Variants in DMD observed in about 807,000 individuals in gnomAD.
The protein encoded by DMD is mutant dystrophin.
In DMD, 63 loss-of-function variants were observed where a neutral mutation model predicts 330.1. That is an observed-to-expected ratio of 0.19 (90% CI 0.16 to 0.24). The LOEUF (loss-of-function observed/expected upper bound fraction) is 0.24, where lower values mean the gene tolerates loss of function less well. DMD is among the 10% of genes least tolerant of loss of function. The pLI, the probability that DMD is intolerant of heterozygous loss-of-function variation, is 1.00. For synonymous variants in DMD, 1,223 were observed against 959.8 expected (o/e 1.27, Z -5.07); for missense variants, 3,344 against 2,684.1 (o/e 1.25, Z -5.43).
chrX:31,315,592 A>T (rs1042879216), intron 62 of DMD, among the ~76,000 whole-genome samples: 11 of 112,359 alleles, frequency 9.8e-5, no homozygotes, highest in African/African-American at 3.6e-4. Context: ...ACCAACTTGA[A>T]TATGTTCTAT....
chrX:32,467,783 T>G lies in DMD; in HGVS notation c.3162+715A>C, dbSNP rs145358488. ...CACAGTTCTGCTAACACCTTAATTT[T>G]AGCCCACAGAGATTAATTCTGAACT... is the stretch of plus-strand genomic sequence containing the variant. On this transcript the variant is annotated intron_variant, in intron 23 of 78. Transcript: ENST00000357033. Among the ~76,000 whole-genome samples the G allele has an allele frequency of 6.3e-3, 683 of 109,206 alleles. 6 individuals are homozygous for G. The highest frequency in any genetic ancestry group is 0.055 in the South Asian group (138 of 2,528). 94.8% of individuals were successfully genotyped at this position (109,206 alleles called of 115,157 possible).
At chrX:33,314,573 T>G (rs1333715715) in intron 1 of DMD, among the ~76,000 whole-genome samples, 1 of 98,411 alleles carries the variant, frequency 1.0e-5, no homozygotes, top group African/African-American at 3.8e-5. Context: ...TTTTTTTGTT[T>G]TTTTTTTTTT....
chrX:32,293,396 AAT>A, intron 42 of DMD, among the ~76,000 whole-genome samples: 1 of 111,552 alleles, frequency 9.0e-6, no homozygotes, highest in African/African-American at 3.3e-5. Flanking sequence ...CCTAAAGAAT[AAT>A]AGTCATCAGA....
intron 2 of DMD, among the ~76,000 whole-genome samples, chrX:32,954,712 G>T (rs1221849600): frequency 1.8e-5 from 2 of 109,713 alleles, no homozygotes; most frequent in Non-Finnish European, 3.8e-5. Context: ...CCTCCAACAG[G>T]TCCCAATGTA....
intron 44 of DMD, among the ~76,000 whole-genome samples, chrX:32,118,981 G>A (rs2701795): frequency 9.1e-6 from 1 of 109,686 alleles, no homozygotes; most frequent in Non-Finnish European, 1.9e-5. Flanking sequence ...TAATGCTGGC[G>A]GCCCTGCAGC....
At chrX:32,147,601 C>T (rs193254971) in intron 44 of DMD, among the ~76,000 whole-genome samples, 335 of 111,052 alleles carry the variant, frequency 3.0e-3, no homozygotes, top group Non-Finnish European at 5.0e-3. Flanking sequence ...CAGCTGTGTA[C>T]GGTACATTGT....
intron 64 of DMD, among the ~76,000 whole-genome samples, chrX:31,219,212 TGTCA>T (rs778266750): frequency 9.0e-6 from 1 of 111,114 alleles, no homozygotes; most frequent in African/African-American, 3.3e-5. Context: ...AACAGGGACT[TGTCA>T]GTATCATTTT....
At chrX:32,734,908 T>C (rs1168891696) in intron 7 of DMD, among the ~76,000 whole-genome samples, 5 of 105,154 alleles carry the variant, frequency 4.8e-5, no homozygotes, top group Admixed American at 1.0e-4. Flanking sequence ...TTGGAAGTTC[T>C]GGCCAGGGCA....
chrX:32,384,903 C>T (rs1484827914), intron 33 of DMD, among the ~76,000 whole-genome samples: 17 of 111,102 alleles, frequency 1.5e-4, no homozygotes, highest in African/African-American at 5.2e-4. Flanking sequence ...TTTGGAAATA[C>T]TAAGATATCC....
chrX:31,871,086 A>G (rs1324598055), intron 48 of DMD, among the ~76,000 whole-genome samples: 1 of 111,567 alleles, frequency 9.0e-6, no homozygotes, highest in Non-Finnish European at 1.9e-5. Context: ...CTGAAATCTG[A>G]AATCAACATA....
At chrX:32,139,418 C>T (rs2096742454) in intron 44 of DMD, among the ~76,000 whole-genome samples, 1 of 112,298 alleles carries the variant, frequency 8.9e-6, no homozygotes, top group South Asian at 3.7e-4. Context: ...TAACTCAAAA[C>T]ATACTTGCTA....
chrX:31,916,593 A>AT (rs1381667906), intron 47 of DMD, among the ~76,000 whole-genome samples: 2 of 111,852 alleles, frequency 1.8e-5, no homozygotes, highest in Middle Eastern at 4.6e-3. Context: ...AATAGCTAGT[A>AT]TTTTTTGGCC....
At chrX:31,782,344 T>C (rs6631395) in intron 50 of DMD, among the ~76,000 whole-genome samples, 14,019 of 110,563 alleles carry the variant, frequency 0.13, 715 homozygotes, top group East Asian at 0.27. Context: ...TAACAATGCT[T>C]GGGTGTTGGG....
At chrX:32,088,973 A>T (rs960136465) in intron 44 of DMD, among the ~76,000 whole-genome samples, 1 of 112,016 alleles carries the variant, frequency 8.9e-6, no homozygotes, top group African/African-American at 3.2e-5. Flanking sequence ...CCTAGGCTGA[A>T]ACATGAACTG....
rs2098332596 is a variant in DMD at position 32,452,253 on chromosome X, A to G, written c.3603+2409T>C. The stretch of plus-strand genomic sequence containing the variant: ...AGAAAGGAATTGAGATACAAGAGAA[A>G]AGGCCATATGAGTGACACACAATGG... On this transcript the variant is annotated intron_variant, in intron 26 of 78. Coordinates refer to ENST00000357033, the MANE Select transcript of DMD (RefSeq NM_004006.3). Among the ~76,000 whole-genome samples, 2 of 100,611 alleles carry G rather than the reference A, an allele frequency of 2.0e-5. 1 individual carries two copies. The highest frequency in any genetic ancestry group is 4.0e-5 in the Non-Finnish European group (2 of 49,578). The allele number at this position is 100,611 out of a possible 115,157, so 87.4% of individuals were successfully genotyped here. A position where few individuals can be genotyped will look rare whatever the true frequency, so the allele number is the denominator to read the frequency against.
chrX:32,538,636 AG>A (rs2048214055), intron 17 of DMD, among the ~76,000 whole-genome samples: 1 of 111,459 alleles, frequency 9.0e-6, no homozygotes, highest in Non-Finnish European at 1.9e-5. Flanking sequence ...ATCAGGGGTC[AG>A]ACTGTAAATG....
intron 2 of DMD, among the ~76,000 whole-genome samples, chrX:32,975,324 GC>G (rs67145670): frequency 0.46 from 43,202 of 92,922 alleles, 8,008 homozygotes; most frequent in African/African-American, 0.62. Flanking sequence ...TCCACATTTT[GC>G]TTTTTAAACT....
chrX:31,149,065 C>T (rs1315604705), intron 74 of DMD, among the ~76,000 whole-genome samples: 2 of 112,071 alleles, frequency 1.8e-5, no homozygotes, highest in African/African-American at 6.5e-5. Context: ...AAAATCTTTT[C>T]TTACACCTAC....
chrX:32,584,588 G>A (rs1418498138), intron 13 of DMD, among the ~76,000 whole-genome samples: 2 of 111,942 alleles, frequency 1.8e-5, no homozygotes, highest in African/African-American at 3.2e-5. Flanking sequence ...ATCCAGCGAT[G>A]AAAATTAATA....
Sources: allele counts gnomAD v4.1 joint callset (sites outside exome capture counted in the v4.1 genomes callset), GRCh38; gene constraint gnomAD v4.1.1; transcripts MANE v1.5; gene names NCBI Gene and HGNC (gene_info 2026-07-23, HGNC 2026-07-21).